TTC7A: variants seen among roughly 807,000 people sequenced by gnomAD.
TTC7A encodes the protein tetratricopeptide repeat domain 7A, also known as tetratricopeptide repeat protein 7A.
In TTC7A, 110 loss-of-function variants were observed where a neutral mutation model predicts 103.7. That is an observed-to-expected ratio of 1.06 (90% CI 0.91 to 1.24). TTC7A has a LOEUF of 1.24. Ranked by LOEUF, TTC7A falls within the 50% of genes most tolerant of loss-of-function variation. The pLI is 0.00. For synonymous variants in TTC7A, 521 were observed against 467.9 expected (o/e 1.11, Z -1.47); for missense variants, 1,340 against 1,116.3 (o/e 1.20, Z -2.86).
chr2:46,975,991 C>A (rs1382903912), intron 4 of TTC7A, among the ~76,000 whole-genome samples: 1 of 152,208 alleles, frequency 6.6e-6, no homozygotes, highest in African/African-American at 2.4e-5. Flanking sequence ...CCTGCCTCAG[C>A]CTCCCAAAGT....
intron 19 of TTC7A, chr2:47,068,426 G>C (rs1363637107): frequency 6.6e-6 from 1 of 152,128 alleles, no homozygotes; most frequent in African/African-American, 2.4e-5. Context: ...GGCCATGAGA[G>C]GACATGGAAT....
chr2:47,028,797 C>G (rs534153326), intron 14 of TTC7A, among the ~76,000 whole-genome samples: 1 of 152,332 alleles, frequency 6.6e-6, no homozygotes, highest in Non-Finnish European at 1.5e-5. Context: ...CTTCTAGGCA[C>G]TTGCCTCTGC....
At chr2:46,974,509 G>C (rs1673661033) in intron 3 of TTC7A, 2 of 367,984 alleles carry the variant, frequency 5.4e-6, no homozygotes, top group Admixed American at 6.9e-5. Context: ...TCTGGATCTG[G>C]AGCTTCTAAG....
chr2:46,981,909 G>A (rs1674505310), intron 5 of TTC7A, among the ~76,000 whole-genome samples: 4 of 152,232 alleles, frequency 2.6e-5, no homozygotes, highest in African/African-American at 7.2e-5. Flanking sequence ...AGGAGGCAGT[G>A]GCTGTGATGA....
chr2:46,991,365 G>A (rs546400481), intron 5 of TTC7A, among the ~76,000 whole-genome samples: 1 of 152,154 alleles, frequency 6.6e-6, no homozygotes, highest in East Asian at 2.0e-4. Context: ...GCGTGGTGGT[G>A]GCTCATGCCT....
At chr2:47,003,800 C>T (rs1677092840) in intron 8 of TTC7A, among the ~76,000 whole-genome samples, 3 of 152,248 alleles carry the variant, frequency 2.0e-5, no homozygotes, top group Admixed American at 6.5e-5. Context: ...TCCTCTCACA[C>T]CCGAGCCACT....
chr2:47,056,071 C>G (rs1387037110), intron 18 of TTC7A, among the ~76,000 whole-genome samples: 3 of 152,220 alleles, frequency 2.0e-5, no homozygotes, highest in Admixed American at 6.5e-5. Context: ...CAGCCCCTGA[C>G]TGCCTTGTGC....
intron 3 of TTC7A, 86 bp from the exon 4 acceptor site, chr2:46,974,887 G>A: frequency 1.9e-6 from 3 of 1,555,138 alleles, no homozygotes; most frequent in Non-Finnish European, 2.6e-6. Flanking sequence ...TGCCCCCTCG[G>A]ATGAGCCCAC....
At chr2:46,950,061 C>G (rs1457050092) in intron 1 of TTC7A, among the ~76,000 whole-genome samples, 2 of 152,060 alleles carry the variant, frequency 1.3e-5, no homozygotes, top group South Asian at 2.1e-4. Flanking sequence ...TGACTTTGTC[C>G]CTTATTTTAA....
upstream of TTC7A, among the ~76,000 whole-genome samples, chr2:46,939,646 G>A (rs747521203): frequency 3.3e-5 from 5 of 152,140 alleles, no homozygotes; most frequent in Admixed American, 6.5e-5. Flanking sequence ...TGCCAAGGTC[G>A]CCTCCCTCTT....
intron 2 of TTC7A, among the ~76,000 whole-genome samples, chr2:46,955,479 G>T (rs1254011348): frequency 6.6e-6 from 1 of 152,226 alleles, no homozygotes; most frequent in Non-Finnish European, 1.5e-5. Context: ...GAGGAGTTCA[G>T]CTGAAGGGAG....
chr2:46,916,031 G>A, upstream of TTC7A: 2 of 985,406 alleles, frequency 2.0e-6, no homozygotes, highest in African/African-American at 1.7e-5. Flanking sequence ...GCCGCTGGAC[G>A]CCCTAGGGGC....
exon 1 of TTC7A, chr2:46,916,503 C>T (rs1668796629): frequency 6.6e-6 from 1 of 152,536 alleles, no homozygotes; most frequent in Middle Eastern, 3.4e-3. Context: ...GAAACGAATA[C>T]ATCATCCCTG....
rs1670366309 is a variant in TTC7A at position 46,941,454 on chromosome 2, C to T, written c.-88C>T. 3.5e-6 allele frequency: 5 copies of T among 1,414,640 alleles called. No individual in the cohort carries two copies. The highest frequency in any genetic ancestry group is 3.0e-5 in the African/African-American group (2 of 67,084). 87.6% of individuals were successfully genotyped at this position (1,414,640 alleles called of 1,614,324 possible). A position where few individuals can be genotyped will look rare whatever the true frequency, so the allele number is the denominator to read the frequency against. On this transcript the variant is annotated 5_prime_UTR_variant, in exon 1 of 20. Transcript: ENST00000319190. The surrounding 1 kb of genome is among the most constrained non-coding windows in gnomAD (Gnocchi z 4.2). Reference sequence around the variant, plus strand: ...CTGCCGTCTGCGCCCCCGTCGACCCCGCCCGCGAGTGCGCCCCAGCCAGGA... The same window carrying T: ...CTGCCGTCTGCGCCCCCGTCGACCCTGCCCGCGAGTGCGCCCCAGCCAGGA...
chr2:46,953,492 A>G (rs1329673574), intron 2 of TTC7A, among the ~76,000 whole-genome samples: 1 of 152,170 alleles, frequency 6.6e-6, no homozygotes, highest in Admixed American at 6.5e-5. Context: ...CGCAAAGATC[A>G]GGTCACAGTT....
intron 15 of TTC7A, among the ~76,000 whole-genome samples, chr2:47,036,421 C>A (rs1024999115): frequency 6.6e-6 from 1 of 152,186 alleles, no homozygotes; most frequent in Non-Finnish European, 1.5e-5. Flanking sequence ...CAGTCTAATC[C>A]TCCAGACCGA....
At chr2:47,021,690 A>G (rs1407844661) in intron 11 of TTC7A, among the ~76,000 whole-genome samples, 172 bp from the exon 12 acceptor site, 1 of 152,240 alleles carries the variant, frequency 6.6e-6, no homozygotes, top group Non-Finnish European at 1.5e-5. Context: ...TCTCAGCAGA[A>G]CAAAATTTGG....
chr2:46,992,695 A>G (rs1675753846), intron 5 of TTC7A, among the ~76,000 whole-genome samples: 1 of 152,202 alleles, frequency 6.6e-6, no homozygotes, highest in Admixed American at 6.5e-5. Context: ...GCAGTTTTTC[A>G]CATTGTGGGC....
intron 15 of TTC7A, among the ~76,000 whole-genome samples, chr2:47,030,291 A>T (rs1048738700): frequency 1.3e-5 from 2 of 152,220 alleles, no homozygotes; most frequent in Non-Finnish European, 2.9e-5. Context: ...GGATTAGGAA[A>T]AAATTGCTGG....
Sources: gnomAD v4.1 joint callset for allele counts (sites outside exome capture counted in the v4.1 genomes callset) on GRCh38, gnomAD v4.1.1 for gene constraint, Gnocchi (gnomAD v3.1) non-coding constraint, MANE v1.5 for transcripts, NCBI Gene and HGNC (gene_info 2026-07-23, HGNC 2026-07-21) for gene names.